Variants in MEGF10 observed in about 807,000 individuals in gnomAD.
MEGF10 encodes multiple epidermal growth factor-like domains protein 10.
In MEGF10, 86 loss-of-function variants were observed where a neutral mutation model predicts 147.5. The ratio of observed to expected loss-of-function variants is 0.58; its 90% confidence interval spans 0.49 to 0.70. The LOEUF is 0.70. MEGF10 is among the 30% of genes least tolerant of loss of function. The probability of loss-of-function intolerance (pLI) is 0.00; values close to 1 mark genes in which losing one functional copy is unlikely to be tolerated. For missense variants in MEGF10, 1,329 were observed against 1,487.3 expected, an observed-to-expected ratio of 0.89 and a Z score of 1.75; for synonymous variants, 478 against 525.5, an observed-to-expected ratio of 0.91 and a Z score of 1.24.
chr5:127,389,595 A>G (rs1355344663), intron 5 of MEGF10, among the ~76,000 whole-genome samples: 2 of 152,244 alleles, frequency 1.3e-5, no homozygotes, highest in Non-Finnish European at 2.9e-5. Flanking sequence ...CAGCCATATA[A>G]GAGAATGAGA....
chr5:127,255,642 GGA>G, the MEGF10 span, among the ~76,000 whole-genome samples: 1 of 152,112 alleles, frequency 6.6e-6, no homozygotes, highest in Non-Finnish European at 1.5e-5. Context: ...CTAAAGGGGA[GGA>G]GAGAGTAAGA....
intron 10 of MEGF10, 72 bp downstream of exon 10, chr5:127,417,884 T>C: frequency 6.9e-7 from 1 of 1,455,544 alleles, no homozygotes; most frequent in South Asian, 1.3e-5. Context: ...ATGATTTATA[T>C]GACCTCCAGT....
At chr5:127,425,209 A>G (rs1432631495) in intron 13 of MEGF10, among the ~76,000 whole-genome samples, 4 of 152,244 alleles carry the variant, frequency 2.6e-5, no homozygotes, top group Non-Finnish European at 5.9e-5. Context: ...AGTCTGGGTC[A>G]TGGGGTAAGA....
At chr5:127,296,222 T>A (rs1327360573) in intron 1 of MEGF10, among the ~76,000 whole-genome samples, 1 of 152,234 alleles carries the variant, frequency 6.6e-6, no homozygotes, top group Non-Finnish European at 1.5e-5. Context: ...GAATGGCAAG[T>A]CACTGTGTGG....
rs1273781409 is a variant in MEGF10, at chr5:127,391,340, C to A, written c.413-5192C>A. Among the ~76,000 whole-genome samples, 7 of 152,070 alleles carry A rather than the reference C, an allele frequency of 4.6e-5. No individual in the cohort carries two copies. In the East Asian group the frequency reaches 1.2e-3, roughly 25 times the overall value. On this transcript the variant is annotated intron_variant, in intron 5 of 24. Transcript: ENST00000503335. ...CCTGTAATACCAGCACTTTGGGATG[C>A]CAAGGTGCGCAGATAGCTTGAGCTC... is the stretch of plus-strand genomic sequence containing the variant.
chr5:127,302,317 T>C (rs1047423736), intron 1 of MEGF10, among the ~76,000 whole-genome samples: 5 of 152,212 alleles, frequency 3.3e-5, no homozygotes, highest in Admixed American at 3.3e-4. Flanking sequence ...GTATGATACA[T>C]GCTACAACAT....
intron 4 of MEGF10, among the ~76,000 whole-genome samples, chr5:127,344,313 A>G (rs111806922): frequency 2.5e-3 from 384 of 152,330 alleles, no homozygotes; most frequent in African/African-American, 8.8e-3. Flanking sequence ...TGCTTACTAC[A>G]TACCAGGTAT....
rs866719152 is a variant in MEGF10, at chr5:127,457,184, G to A, written c.3289G>A (p.Asp1097Asn). The A allele has an allele frequency of 6.2e-7, 1 of 1,614,068 alleles. No homozygotes were observed. Among genetic ancestry groups the A allele is most frequent in the Non-Finnish European group, 8.5e-7 (1 of 1,179,980 alleles). Reference protein sequence around the residue: ...VFSNNGRLSQDPYDLPKNSHI... With the variant: ...VFSNNGRLSQNPYDLPKNSHI... ...CAGCAATAATGGGCGTCTCTCCCAG[G>A]ATCCATATGACCTCCCAAAGAACAG... The change falls in exon 25 of 25, where the codon GAT becomes AAT. Residue 1097 changes from aspartate to asparagine, a missense_variant. This residue lies in a region of MEGF10 where 343 missense variants were observed against 377.9 expected (regional missense o/e 0.91). Coordinates refer to ENST00000503335, the MANE Select transcript of MEGF10 (RefSeq NM_001256545.2).
intron 18 of MEGF10, among the ~76,000 whole-genome samples, chr5:127,441,763 A>G (rs1765764752): frequency 6.6e-6 from 1 of 152,100 alleles, no homozygotes; most frequent in Non-Finnish European, 1.5e-5. Context: ...GTGGCCTGGA[A>G]AGATTGATCA....
At chr5:127,451,551 C>G (rs1766157126) in intron 22 of MEGF10, among the ~76,000 whole-genome samples, 1 of 152,016 alleles carries the variant, frequency 6.6e-6, no homozygotes, top group African/African-American at 2.4e-5. Context: ...TAATTTAGCT[C>G]AAAGGAATAT....
upstream of MEGF10, among the ~76,000 whole-genome samples, chr5:127,290,286 A>G (rs529145657): frequency 8.2e-4 from 124 of 151,082 alleles, no homozygotes; most frequent in African/African-American, 3.0e-3. Context: ...GCCACATCAC[A>G]TTCTCTGGCA....
At chr5:127,320,963 A>G (rs1359410153) in intron 1 of MEGF10, among the ~76,000 whole-genome samples, 1 of 152,250 alleles carries the variant, frequency 6.6e-6, no homozygotes, top group East Asian at 1.9e-4. Context: ...TCCAATTCAC[A>G]TATTCAGTTT....
At chr5:127,266,965 A>T in the MEGF10 span, among the ~76,000 whole-genome samples, 5 of 152,188 alleles carry the variant, frequency 3.3e-5, no homozygotes, top group Admixed American at 2.0e-4. Context: ...TATGTTGAAT[A>T]GGAGTGGTGA....
rs1310042491 is a variant in MEGF10 at position 127,440,856 on chromosome 5, A to C, written c.2351A>C (p.His784Pro). 5 of 1,614,058 alleles carry C rather than the reference A, an allele frequency of 3.1e-6. No individual in the cohort carries two copies. The highest frequency in any genetic ancestry group is 4.2e-6 in the Non-Finnish European group (5 of 1,179,948). Residue 784 changes from histidine to proline, a missense_variant, in exon 18 of 25, where the codon CAC becomes CCC. By Grantham distance (77) the His-to-Pro change is moderately conservative. Transcript: ENST00000503335. ...TGCCGCACTGGATTCATGGGACGGC[A>C]CTGTGAGCAGAGTAAGTATGAGAGT... Reference protein sequence around the residue: ...CTCRTGFMGRHCEQKCPSGTY... With the variant: ...CTCRTGFMGRPCEQKCPSGTY...
At chr5:127,442,977 C>T (rs1765811124) in intron 18 of MEGF10, 21 bp from the exon 19 acceptor site, 1 of 1,603,176 alleles carries the variant, frequency 6.2e-7, no homozygotes, top group Non-Finnish European at 8.5e-7. Context: ...TGGAAAGCTA[C>T]ATTTGACTTT....
chr5:127,349,694 G>GTT (rs201909792), intron 4 of MEGF10, among the ~76,000 whole-genome samples: 1 of 136,662 alleles, frequency 7.3e-6, no homozygotes, highest in African/African-American at 2.6e-5. Context: ...TTTTTTTTTT[G>GTT]TTTTTTTTAG....
Position 127,380,759 on chromosome 5 carries a change from C to T in MEGF10, c.412+10757C>T, listed in dbSNP as rs185498503. Among the ~76,000 whole-genome samples, 1,071 of 152,212 alleles carry T rather than the reference C, an allele frequency of 7.0e-3. 28 individuals carry two copies. The highest frequency in any genetic ancestry group is 0.049 in the Admixed American group (747 of 15,290). ...GTCTCGAACTCCTGACCTCATGATT[C>T]GCCCGCCTCGGCCTCCCAAAGTGCT... On this transcript the variant is annotated intron_variant, in intron 5 of 24. Transcript: ENST00000503335.
intron 4 of MEGF10, among the ~76,000 whole-genome samples, chr5:127,352,575 C>T (rs916395967): frequency 6.6e-6 from 1 of 151,996 alleles, no homozygotes; most frequent in African/African-American, 2.4e-5. Context: ...ACAGGAGAAT[C>T]GCTTGAACCC....
In MEGF10 at chr5:127,447,565, C is replaced by T; in HGVS notation, c.2737C>T (p.Pro913Ser). The stretch of plus-strand genomic sequence containing the variant: ...TCCTTCCCTTCTTGCAGGAACCCTT[C>T]CTCACAGCAATGGTGGAAACGCTAA... ...NADYTISGTL[P>S]HSNGGNANSH... The change falls in exon 21 of 25, where the codon CCT (proline) becomes TCT (serine). Residue 913 changes from proline (P) to serine (S), a missense_variant. Around this residue, in one of 3 missense-constraint regions of MEGF10, gnomAD observed 343 missense variants for 377.9 expected, o/e 0.91. Coordinates refer to ENST00000503335, the MANE Select transcript of MEGF10 (RefSeq NM_001256545.2). 2 of 1,614,134 alleles carry T rather than the reference C, an allele frequency of 1.2e-6. No individual in the cohort carries two copies. The highest frequency in any genetic ancestry group is 1.7e-6 in the Non-Finnish European group (2 of 1,179,988).
Sources: gnomAD v4.1 joint callset for allele counts (sites outside exome capture counted in the v4.1 genomes callset) on GRCh38, gnomAD v4.1.1 for gene constraint, gnomAD v4.1.1 regional missense constraint, MANE v1.5 for transcripts, NCBI Gene and HGNC (gene_info 2026-07-23, HGNC 2026-07-21) for gene names.